BLTP3A: variants seen among roughly 807,000 people sequenced by gnomAD.
BLTP3A encodes ICBP90 binding protein 1.
the BLTP3A span, among the ~76,000 whole-genome samples, chr6:34,794,378 G>A: frequency 6.6e-6 from 1 of 152,110 alleles, no homozygotes; most frequent in African/African-American, 2.4e-5. Context: ...ATTAATATAT[G>A]TAAGGACTTA....
the BLTP3A span, among the ~76,000 whole-genome samples, chr6:34,805,907 G>T: frequency 6.6e-6 from 1 of 151,958 alleles, no homozygotes; most frequent in Non-Finnish European, 1.5e-5. Flanking sequence ...CTTGTAGACT[G>T]GGCTTTTAAA....
At chr6:34,868,723 A>T in the BLTP3A span, among the ~76,000 whole-genome samples, 7 of 127,596 alleles carry the variant, frequency 5.5e-5, no homozygotes, top group African/African-American at 1.6e-4. Context: ...GACTCTGTTT[A>T]AAAAAAAAAA....
chr6:34,833,022 A>G, the BLTP3A span, among the ~76,000 whole-genome samples: 4 of 152,112 alleles, frequency 2.6e-5, no homozygotes, highest in African/African-American at 9.7e-5. Context: ...TGTTTCCTTC[A>G]TTCCTCTCCT....
the BLTP3A span, among the ~76,000 whole-genome samples, chr6:34,824,265 G>T: frequency 1.3e-5 from 2 of 152,104 alleles, no homozygotes; most frequent in African/African-American, 4.8e-5. Context: ...AGGCGCGGTG[G>T]CTCACGCCTG....
At chr6:34,834,574 G>T in the BLTP3A span, 1 of 1,343,078 alleles carries the variant, frequency 7.4e-7, no homozygotes, top group Non-Finnish European at 1.0e-6. Context: ...CCTCAATTAT[G>T]GATCCCCAAT....
the BLTP3A span, chr6:34,876,722 A>G: frequency 6.6e-6 from 1 of 152,178 alleles, no homozygotes; most frequent in Non-Finnish European, 1.5e-5. Context: ...CCTTTCAGAC[A>G]CTAAGGCCTT....
chr6:34,825,695 C>G, the BLTP3A span, among the ~76,000 whole-genome samples: 2 of 152,216 alleles, frequency 1.3e-5, no homozygotes, highest in Non-Finnish European at 2.9e-5. Context: ...ATCTCTAAAA[C>G]TGTCACATTG....
chr6:34,877,386 G>C, the BLTP3A span: 1 of 152,596 alleles, frequency 6.6e-6, no homozygotes. Context: ...AAAACAATGA[G>C]AATGTATCTG....
At chr6:34,861,766 T>C in the BLTP3A span, among the ~76,000 whole-genome samples, 20 of 152,206 alleles carry the variant, frequency 1.3e-4, no homozygotes, top group African/African-American at 2.2e-4. Context: ...ATTTTTATTT[T>C]TGGAGATGTG....
chr6:34,822,043 CT>C, the BLTP3A span: 1 of 1,521,656 alleles, frequency 6.6e-7, no homozygotes, highest in Non-Finnish European at 9.1e-7. Context: ...TAGGCTAACC[CT>C]TTTAGGAATG....
the BLTP3A span, among the ~76,000 whole-genome samples, chr6:34,836,891 A>G: frequency 6.6e-6 from 1 of 152,248 alleles, no homozygotes; most frequent in East Asian, 1.9e-4. Flanking sequence ...TCAGAATGAA[A>G]AAAACTAATT....
chr6:34,870,789 A>G, the BLTP3A span: 1 of 1,557,716 alleles, frequency 6.4e-7, no homozygotes, highest in South Asian at 1.2e-5. Flanking sequence ...GAATATTGGT[A>G]TATAAGGTGC....
the BLTP3A span, among the ~76,000 whole-genome samples, chr6:34,797,549 G>T: frequency 6.6e-6 from 1 of 152,064 alleles, no homozygotes; most frequent in African/African-American, 2.4e-5. Flanking sequence ...GAAGCTTGTC[G>T]GACTAGTCAC....
the BLTP3A span, among the ~76,000 whole-genome samples, chr6:34,801,927 C>T: frequency 4.6e-5 from 7 of 151,950 alleles, no homozygotes; most frequent in African/African-American, 1.2e-4. Context: ...TTAGTAGAGA[C>T]GGAGTTTCAT....
At chr6:34,860,190 G>A in the BLTP3A span, among the ~76,000 whole-genome samples, 1 of 152,042 alleles carries the variant, frequency 6.6e-6, no homozygotes, top group Non-Finnish European at 1.5e-5. Flanking sequence ...GAGTAATAGA[G>A]AAGGAAGAAT....
the BLTP3A span, chr6:34,792,103 C>G: frequency 4.9e-6 from 3 of 615,872 alleles, no homozygotes; most frequent in African/African-American, 2.1e-5. Flanking sequence ...GCCAGGCGCC[C>G]AAAGAGGGGC....
chr6:34,853,513 G>C, the BLTP3A span, among the ~76,000 whole-genome samples: 21,461 of 151,954 alleles, frequency 0.14, 1,802 homozygotes, highest in African/African-American at 0.23. Context: ...AATCACTGGA[G>C]GGGGTGTGTT....
chr6:34,801,357 A>G, the BLTP3A span, among the ~76,000 whole-genome samples: 1 of 152,196 alleles, frequency 6.6e-6, no homozygotes, highest in Non-Finnish European at 1.5e-5. Context: ...AACTTACTAT[A>G]TTAAGTTCTG....
At chr6:34,825,080 T>A in the BLTP3A span, among the ~76,000 whole-genome samples, 2 of 152,206 alleles carry the variant, frequency 1.3e-5, no homozygotes, top group Admixed American at 1.3e-4. Context: ...ACACACACAT[T>A]TTTAAATATA....
Sources: gnomAD v4.1 joint callset for allele counts (sites outside exome capture counted in the v4.1 genomes callset) on GRCh38, gnomAD v4.1.1 for gene constraint, MANE v1.5 for transcripts, NCBI Gene and HGNC (gene_info 2026-07-23, HGNC 2026-07-21) for gene names.